The following SUSD1 variants were observed in gnomAD, a reference collection of about 807,000 sequenced individuals.
SUSD1 encodes sushi domain containing 1, also known as sushi domain-containing protein 1.
SUSD1 carries 65 observed loss-of-function variants against 86.9 expected under a neutral mutation model. That is an observed-to-expected ratio of 0.75 (90% CI 0.61 to 0.92). SUSD1 has a LOEUF of 0.92. SUSD1 is among the 40% of genes least tolerant of loss of function. The probability of loss-of-function intolerance (pLI) is 0.00; values close to 1 mark genes in which losing one functional copy is unlikely to be tolerated. For synonymous variants in SUSD1, 346 were observed against 350.0 expected, an observed-to-expected ratio of 0.99 and a Z score of 0.13; for missense variants, 850 against 929.7, an observed-to-expected ratio of 0.91 and a Z score of 1.11.
At chr9:112,160,074 G>GA (rs1462717733) in intron 1 of SUSD1, among the ~76,000 whole-genome samples, 1 of 151,526 alleles carries the variant, frequency 6.6e-6, no homozygotes, top group Non-Finnish European at 1.5e-5. Flanking sequence ...TAAGAAACCT[G>GA]AAAAAAGGAA....
chr9:112,074,439 G>A (rs144005603), intron 12 of SUSD1, among the ~76,000 whole-genome samples: 14 of 152,116 alleles, frequency 9.2e-5, no homozygotes, highest in East Asian at 3.9e-4. Context: ...CCACCCCCTC[G>A]CCAGCCCCTG....
chr9:112,049,698 T>G (rs942911149), intron 15 of SUSD1, among the ~76,000 whole-genome samples: 3 of 152,222 alleles, frequency 2.0e-5, no homozygotes, highest in African/African-American at 7.2e-5. Context: ...TCTCCAAACT[T>G]TTTTGAAAAA....
At chr9:112,115,649 A>G (rs1222610440) in intron 6 of SUSD1, among the ~76,000 whole-genome samples, 2 of 151,940 alleles carry the variant, frequency 1.3e-5, no homozygotes, top group East Asian at 3.9e-4. Flanking sequence ...TCTACTAAAA[A>G]TACAAAAAAA....
At chr9:112,070,489 C>G (rs961083719) in intron 12 of SUSD1, among the ~76,000 whole-genome samples, 13 of 152,200 alleles carry the variant, frequency 8.5e-5, no homozygotes, top group Non-Finnish European at 1.5e-5. Flanking sequence ...TTCCATCAAC[C>G]TCGTTACTGA....
rs1167384295 is a variant in SUSD1, at chr9:112,058,529, G to C, written c.2008C>G (p.Pro670Ala). 6.2e-7 allele frequency: 1 copy of C among 1,614,104 alleles called. No homozygotes were observed. The highest frequency in any genetic ancestry group is 1.7e-5 in the Admixed American group (1 of 60,014). ...CCATAGTACAGCCTGTCTCCTATAG[G>C]TATCTCCATGGCATCATCTGGAACA... is the stretch of plus-strand genomic sequence containing the variant. ...KDVPDDAMEI[P>A]IGDRLYYGEY... Residue 670 changes from proline (P) to alanine (A), a missense_variant, in exon 14 of 17, where the codon CCT becomes GCT. Transcript: ENST00000374270.
chr9:112,157,886 C>T (rs1028812446), intron 1 of SUSD1, among the ~76,000 whole-genome samples: 1 of 147,676 alleles, frequency 6.8e-6, no homozygotes, highest in African/African-American at 2.5e-5. Flanking sequence ...TGCAGTGGTA[C>T]AATCACAGCT....
At chr9:112,147,504 C>T (rs971216575) in intron 3 of SUSD1, among the ~76,000 whole-genome samples, 12 of 150,084 alleles carry the variant, frequency 8.0e-5, no homozygotes, top group African/African-American at 3.0e-4. Flanking sequence ...GTCACAGTGG[C>T]TCACGCCTGT....
intron 2 of SUSD1, among the ~76,000 whole-genome samples, chr9:112,156,332 C>T (rs1311992672): frequency 6.6e-6 from 1 of 151,720 alleles, no homozygotes; most frequent in East Asian, 1.9e-4. Flanking sequence ...CATGGTGGCA[C>T]ATACCTGTAA....
intron 13 of SUSD1, among the ~76,000 whole-genome samples, chr9:112,061,677 T>A (rs1462278103): frequency 6.6e-6 from 1 of 152,224 alleles, no homozygotes; most frequent in Non-Finnish European, 1.5e-5. Flanking sequence ...TTATACAATG[T>A]CCATCCCTGG....
rs867674702 is a variant in SUSD1, at chr9:112,143,638, C to T, written c.374-15G>A. The T allele has an allele frequency of 1.3e-6, 2 of 1,565,528 alleles. No homozygotes were observed. The highest frequency in any genetic ancestry group is 1.7e-4 in the Middle Eastern group (1 of 5,876). ...CTCATCTATGTCTTGGGACCCAATC[C>T]AAATAGAGAAAAGGAGATAAAAACA... is the stretch of plus-strand genomic sequence containing the variant. On this transcript the variant is annotated splice_polypyrimidine_tract_variant and intron_variant, in intron 3 of 16. Coordinates refer to ENST00000374270, the MANE Select transcript of SUSD1 (RefSeq NM_022486.5).
intron 13 of SUSD1, among the ~76,000 whole-genome samples, chr9:112,060,896 T>C (rs1049435200): frequency 3.3e-5 from 5 of 152,192 alleles, no homozygotes; most frequent in African/African-American, 1.2e-4. Flanking sequence ...AGGTCGAGGC[T>C]CACCTGTGCC....
At chr9:112,042,628 G>A (rs969538553) in intron 15 of SUSD1, among the ~76,000 whole-genome samples, 29 of 152,212 alleles carry the variant, frequency 1.9e-4, no homozygotes, top group Non-Finnish European at 4.4e-5. Flanking sequence ...AGAGAATCAT[G>A]TTCTAGATTA....
chr9:112,170,710 T>TATATAGAGAG lies in SUSD1; in HGVS notation c.103+4422_103+4423insCTCTCTATAT, dbSNP rs758442726. ...GCCAGATCATATATATATATATATA[T>TATATAGAGAG]AGAGAGAGAGAGAGAGAGAGAGAGA... On this transcript the variant is annotated intron_variant, in intron 1 of 16. Transcript: ENST00000374270. Among the ~76,000 whole-genome samples, 630 of 113,788 alleles carry TATATAGAGAG rather than the reference T, an allele frequency of 5.5e-3. 2 individuals are homozygous for TATATAGAGAG. The highest frequency in any genetic ancestry group is 0.017 in the African/African-American group (453 of 26,292). The allele number at this position is 113,788 out of a possible 152,430, so 74.6% of individuals were successfully genotyped here.
chr9:112,088,121 C>G (rs944733388), intron 10 of SUSD1, among the ~76,000 whole-genome samples: 18 of 152,310 alleles, frequency 1.2e-4, no homozygotes, highest in Non-Finnish European at 2.2e-4. Context: ...ATTTTTATAT[C>G]TAGCCAAGCT....
At position 112,041,872 on chromosome 9, in the gene SUSD1, C is replaced by T. The variant is rs766179325; in HGVS notation, c.2238G>A (p.Ala746=). Residue 746 remains alanine (A), a synonymous_variant, in exon 16 of 17, where the codon GCG becomes GCA. Transcript: ENST00000374270. Reference sequence around the variant, plus strand: ...AAAATGACACCCTCACATACCACACCGCTGAGAAGGAGAGGAATGTGAGAA... The same window carrying T: ...AAAATGACACCCTCACATACCACACTGCTGAGAAGGAGAGGAATGTGAGAA... ...VIILTFLSFS[A]V 6.2e-6 allele frequency: 10 copies of T among 1,613,404 alleles called. No individual in the cohort carries two copies. The highest frequency in any genetic ancestry group is 4.5e-5 in the East Asian group (2 of 44,810).
intron 13 of SUSD1, among the ~76,000 whole-genome samples, chr9:112,060,795 GA>G (rs1828687393): frequency 6.6e-6 from 1 of 152,242 alleles, no homozygotes; most frequent in Non-Finnish European, 1.5e-5. Flanking sequence ...CCACAGGTAA[GA>G]AAGTAAATGT....
intron 3 of SUSD1, among the ~76,000 whole-genome samples, chr9:112,146,653 T>C (rs951898892): frequency 5.3e-5 from 8 of 150,226 alleles, no homozygotes; most frequent in African/African-American, 2.0e-4. Flanking sequence ...AAAAAAAAAT[T>C]AAGACAAAGT....
At chr9:112,121,819 C>G (rs1831566949) in intron 6 of SUSD1, among the ~76,000 whole-genome samples, 1 of 152,176 alleles carries the variant, frequency 6.6e-6, no homozygotes, top group Admixed American at 6.6e-5. Context: ...TTTGTCATAC[C>G]TTCTGATCAA....
intron 8 of SUSD1, among the ~76,000 whole-genome samples, chr9:112,110,438 C>A (rs145966379): frequency 6.6e-6 from 1 of 152,084 alleles, no homozygotes; most frequent in South Asian, 2.1e-4. Flanking sequence ...GCCCCGTCAC[C>A]CAGGTTGGAG....
Sources: gnomAD v4.1 joint callset for allele counts (sites outside exome capture counted in the v4.1 genomes callset) on GRCh38, gnomAD v4.1.1 for gene constraint, MANE v1.5 for transcripts, NCBI Gene and HGNC (gene_info 2026-07-23, HGNC 2026-07-21) for gene names.